TENM2: variants seen among roughly 807,000 people sequenced by gnomAD.
TENM2 encodes teneurin transmembrane protein 2.
A neutral mutation model predicts 245.2 loss-of-function variants in TENM2; 52 were observed. The observed-to-expected ratio is 0.21, with a 90% CI of 0.17 to 0.27. TENM2 has a LOEUF of 0.27. TENM2 is among the 10% of genes least tolerant of loss of function. The pLI is 1.00. For missense variants in TENM2, 3,046 were observed against 3,666.8 expected (o/e 0.83, Z 4.37); for synonymous variants, 1,363 against 1,438.9 (o/e 0.95, Z 1.19).
chr5:167,979,762 A>C (rs761554575), intron 4 of TENM2, among the ~76,000 whole-genome samples: 2 of 152,186 alleles, frequency 1.3e-5, no homozygotes, highest in African/African-American at 2.4e-5. Context: ...GCTCTCACAA[A>C]ACACACCAAA....
chr5:167,367,977 T>G (rs1417047871), intron 1 of TENM2, among the ~76,000 whole-genome samples: 1 of 152,134 alleles, frequency 6.6e-6, no homozygotes, highest in Non-Finnish European at 1.5e-5. Flanking sequence ...TCCATATTCA[T>G]TCTTGACTTT....
intron 12 of TENM2, among the ~76,000 whole-genome samples, chr5:168,156,560 C>G (rs1010265657): frequency 4.1e-4 from 62 of 152,182 alleles, no homozygotes; most frequent in Non-Finnish European, 8.8e-5. Context: ...CAGAACATTT[C>G]TTGATGCTTT....
chr5:167,776,624 A>AAAAAAAAAAAC (rs1561769493), intron 2 of TENM2, among the ~76,000 whole-genome samples: 8 of 61,262 alleles, frequency 1.3e-4, no homozygotes, highest in African/African-American at 5.9e-4. Flanking sequence ...AAAAAAAAAA[A>AAAAAAAAAAAC]AACCATATAT....
intron 2 of TENM2, among the ~76,000 whole-genome samples, chr5:167,766,459 G>T (rs752934149): frequency 3.3e-5 from 5 of 152,138 alleles, no homozygotes; most frequent in Admixed American, 6.5e-5. Flanking sequence ...ATGTTTCTTA[G>T]TTCAATTTAT....
intron 2 of TENM2, among the ~76,000 whole-genome samples, chr5:167,585,352 T>C (rs1775412574): frequency 6.6e-6 from 1 of 152,244 alleles, no homozygotes; most frequent in East Asian, 1.9e-4. Flanking sequence ...ACTCTAGTGA[T>C]GTTTACAAGA....
At chr5:167,544,730 G>A (rs374927694) in intron 2 of TENM2, among the ~76,000 whole-genome samples, 1 of 152,292 alleles carries the variant, frequency 6.6e-6, no homozygotes. Context: ...ACAGACACTA[G>A]GGAGTCAGAA....
the TENM2 span, among the ~76,000 whole-genome samples, chr5:167,084,843 A>G: frequency 6.6e-6 from 1 of 152,166 alleles, no homozygotes; most frequent in African/African-American, 2.4e-5. Context: ...CACCCACTCA[A>G]TGAATGTCTT....
chr5:167,242,486 G>A, the TENM2 span, among the ~76,000 whole-genome samples: 28 of 152,162 alleles, frequency 1.8e-4, no homozygotes, highest in Middle Eastern at 3.4e-3. Context: ...GAACTGCATG[G>A]GTTACTTATA....
At chr5:168,038,642 G>C (rs1214764498) in intron 5 of TENM2, among the ~76,000 whole-genome samples, 1 of 152,248 alleles carries the variant, frequency 6.6e-6, no homozygotes, top group Non-Finnish European at 1.5e-5. Flanking sequence ...GAAGCTCAGA[G>C]AGGTAAATCT....
At chr5:167,330,362 T>A (rs190812030) in intron 1 of TENM2, among the ~76,000 whole-genome samples, 11 of 152,300 alleles carry the variant, frequency 7.2e-5, no homozygotes, top group African/African-American at 2.2e-4. Context: ...TAGGGACGCT[T>A]AGTTATTGGT....
At chr5:167,158,376 T>C in the TENM2 span, among the ~76,000 whole-genome samples, 1 of 152,166 alleles carries the variant, frequency 6.6e-6, no homozygotes, top group Non-Finnish European at 1.5e-5. Context: ...CATTTTTATA[T>C]CTTATATGAT....
chr5:167,520,541 T>G (rs2127581133), intron 2 of TENM2, among the ~76,000 whole-genome samples: 1 of 152,206 alleles, frequency 6.6e-6, no homozygotes, highest in South Asian at 2.1e-4. Flanking sequence ...GTCCATCATG[T>G]TTAGAAAAGA....
intron 1 of TENM2, among the ~76,000 whole-genome samples, chr5:167,286,943 C>G (rs1037615054): frequency 6.6e-6 from 1 of 152,214 alleles, no homozygotes; most frequent in East Asian, 1.9e-4. Context: ...ATATCAAACT[C>G]ATAGCTTTGC....
chr5:167,729,674 G>A (rs556792615), intron 2 of TENM2, among the ~76,000 whole-genome samples: 2 of 152,334 alleles, frequency 1.3e-5, no homozygotes, highest in South Asian at 4.1e-4. Flanking sequence ...TCTAAGGCCT[G>A]AAGGAAGGTT....
intron 2 of TENM2, among the ~76,000 whole-genome samples, chr5:167,725,281 T>C (rs1759917599): frequency 6.6e-6 from 1 of 152,188 alleles, no homozygotes; most frequent in South Asian, 2.1e-4. Context: ...ATGCTTTTGT[T>C]TGAGTATCTT....
intron 2 of TENM2, among the ~76,000 whole-genome samples, chr5:167,590,227 T>C (rs1775786490): frequency 6.6e-6 from 1 of 152,098 alleles, no homozygotes; most frequent in Non-Finnish European, 1.5e-5. Context: ...AAATCAGTTT[T>C]GTTTTCATAT....
chr5:167,350,862 G>A (rs143743986), intron 1 of TENM2, among the ~76,000 whole-genome samples: 4,649 of 33,024 alleles, frequency 0.14, 742 homozygotes, highest in East Asian at 0.28. Flanking sequence ...TATATGGGAT[G>A]TATACATATG....
At chr5:167,868,201 A>G (rs1583231237) in intron 2 of TENM2, among the ~76,000 whole-genome samples, 1 of 152,032 alleles carries the variant, frequency 6.6e-6, no homozygotes, top group African/African-American at 2.4e-5. Context: ...CCCTGTCCCT[A>G]CCCACCAGAA....
At chr5:167,052,160 A>G in the TENM2 span, among the ~76,000 whole-genome samples, 2 of 152,164 alleles carry the variant, frequency 1.3e-5, no homozygotes, top group Non-Finnish European at 2.9e-5. Context: ...ATCATAAACT[A>G]CATCAATGAT....
Sources: gnomAD v4.1 joint callset for allele counts (sites outside exome capture counted in the v4.1 genomes callset) on GRCh38, gnomAD v4.1.1 for gene constraint, MANE v1.5 for transcripts, NCBI Gene and HGNC (gene_info 2026-07-23, HGNC 2026-07-21) for gene names.